The following TDRD3 variants were observed in gnomAD, a reference collection of about 807,000 sequenced individuals.
The protein encoded by TDRD3 is tudor domain containing 3, also known as tudor domain-containing protein 3.
A neutral mutation model predicts 86.7 loss-of-function variants in TDRD3; 45 were observed. The observed-to-expected ratio is 0.52, with a 90% CI of 0.41 to 0.67. The LOEUF (loss-of-function observed/expected upper bound fraction) is 0.67, where lower values mean the gene tolerates loss of function less well. TDRD3 is among the 30% of genes least tolerant of loss of function. The pLI is 0.00. For missense variants in TDRD3, 814 were observed against 889.0 expected, an observed-to-expected ratio of 0.92 and a Z score of 1.07; for synonymous variants, 298 against 301.7, an observed-to-expected ratio of 0.99 and a Z score of 0.13.
chr13:60,417,351 A>ATTT (rs113668776), intron 1 of TDRD3, among the ~76,000 whole-genome samples: 2 of 122,972 alleles, frequency 1.6e-5, no homozygotes, highest in African/African-American at 3.1e-5. Context: ...AACTAATTTC[A>ATTT]TTTTTTTTTT....
chr13:60,477,043 CT>C (rs1185728696), intron 5 of TDRD3, among the ~76,000 whole-genome samples: 1 of 151,464 alleles, frequency 6.6e-6, no homozygotes, highest in African/African-American at 2.4e-5. Flanking sequence ...TCATATATTT[CT>C]TTCTCTTGCA....
At position 60,498,937 on chromosome 13, in the gene TDRD3, C is replaced by T. The variant is rs112700155; in HGVS notation, c.858+4362C>T. ...AGCTCAGGTCCAAATTACAGTGGGT[C>T]CAGTGGGTACGCGGACTCATCCTGT... On this transcript the variant is annotated intron_variant, in intron 8 of 13. Coordinates refer to ENST00000377881, the MANE Select transcript of TDRD3 (RefSeq NM_001146070.2). Among the ~76,000 whole-genome samples the T allele has an allele frequency of 3.4e-3, 515 of 152,144 alleles. 4 individuals are homozygous for T. The highest frequency in any genetic ancestry group is 0.012 in the African/African-American group (491 of 41,500).
At chr13:60,406,901 C>T (rs1847896374) in intron 1 of TDRD3, among the ~76,000 whole-genome samples, 1 of 152,082 alleles carries the variant, frequency 6.6e-6, no homozygotes, top group African/African-American at 2.4e-5. Context: ...TTTCAGAAGG[C>T]AGTCTGTCAT....
At chr13:60,557,819 G>GTTTTTTTTTTT (rs1491187240) in intron 12 of TDRD3, among the ~76,000 whole-genome samples, 3 of 89,926 alleles carry the variant, frequency 3.3e-5, no homozygotes, top group Non-Finnish European at 7.7e-5. Context: ...TTTTTTTCCT[G>GTTTTTTTTTTT]ATTTTTTTTT....
chr13:60,535,057 C>T (rs1479234451), intron 11 of TDRD3, 51 bp from the exon 12 acceptor site: 2 of 1,599,174 alleles, frequency 1.3e-6, no homozygotes, highest in South Asian at 1.1e-5. Context: ...AAATATTGCC[C>T]TTTATAGACA....
chr13:60,459,112 C>T (rs1026380881), intron 3 of TDRD3, among the ~76,000 whole-genome samples: 3 of 152,044 alleles, frequency 2.0e-5, no homozygotes, highest in African/African-American at 7.2e-5. Flanking sequence ...AAAATTACTC[C>T]TTTTTTAGGC....
At chr13:60,400,313 CT>C (rs1954059587) in intron 1 of TDRD3, among the ~76,000 whole-genome samples, 1 of 152,182 alleles carries the variant, frequency 6.6e-6, no homozygotes, top group South Asian at 2.1e-4. Flanking sequence ...ATATAAAATT[CT>C]ACTCACAGGA....
At chr13:60,453,687 C>A (rs574601221) in intron 3 of TDRD3, among the ~76,000 whole-genome samples, 2 of 152,292 alleles carry the variant, frequency 1.3e-5, no homozygotes, top group African/African-American at 4.8e-5. Flanking sequence ...GATCACAAGA[C>A]CCTGCAGGAT....
intron 12 of TDRD3, among the ~76,000 whole-genome samples, chr13:60,538,441 A>G (rs1299138463): frequency 1.3e-5 from 2 of 148,682 alleles, no homozygotes; most frequent in Non-Finnish European, 3.0e-5. Flanking sequence ...TCTTTATTGC[A>G]GTGAACTTTC....
intron 8 of TDRD3, among the ~76,000 whole-genome samples, chr13:60,495,300 G>A (rs1235370306): frequency 6.6e-6 from 1 of 152,184 alleles, no homozygotes; most frequent in African/African-American, 2.4e-5. Context: ...TTAGTGTTAT[G>A]TAACTGCTCA....
At chr13:60,440,047 A>G (rs894729168) in intron 2 of TDRD3, among the ~76,000 whole-genome samples, 15 of 152,302 alleles carry the variant, frequency 9.8e-5, no homozygotes, top group African/African-American at 3.1e-4. Flanking sequence ...TTTAACATTT[A>G]CAATAGCTAC....
intron 5 of TDRD3, among the ~76,000 whole-genome samples, chr13:60,469,433 CAT>C (rs1044753632): frequency 8.1e-5 from 11 of 136,340 alleles, no homozygotes; most frequent in Middle Eastern, 3.8e-3. Context: ...CACACACACA[CAT>C]ACACACACAC....
chr13:60,436,767 A>C (rs1955120968), intron 1 of TDRD3, among the ~76,000 whole-genome samples: 1 of 152,162 alleles, frequency 6.6e-6, no homozygotes. Context: ...CAAGTTTCCA[A>C]ACCCTTACAA....
intron 12 of TDRD3, among the ~76,000 whole-genome samples, chr13:60,538,383 A>ATTT (rs34945980): frequency 6.1e-4 from 85 of 138,686 alleles, no homozygotes; most frequent in East Asian, 2.4e-3. Context: ...TTTCACCTGT[A>ATTT]TTTTTTTTTT....
At chr13:60,510,347 A>T (rs1375766345) in intron 9 of TDRD3, among the ~76,000 whole-genome samples, 1 of 152,150 alleles carries the variant, frequency 6.6e-6, no homozygotes, top group Non-Finnish European at 1.5e-5. Context: ...ATATTCTTTT[A>T]AAAATATCTG....
intron 6 of TDRD3, chr13:60,484,759 T>A: frequency 2.2e-6 from 1 of 447,922 alleles, no homozygotes; most frequent in Non-Finnish European, 4.5e-6. Flanking sequence ...ATGTTGATGG[T>A]TGGTATTCTC....
chr13:60,401,665 T>C (rs1218896191), intron 1 of TDRD3, among the ~76,000 whole-genome samples: 1 of 152,160 alleles, frequency 6.6e-6, no homozygotes, highest in Non-Finnish European at 1.5e-5. Flanking sequence ...AGCCATGGAG[T>C]ACTCCAGGTT....
intron 3 of TDRD3, among the ~76,000 whole-genome samples, chr13:60,455,904 T>TA (rs901383270): frequency 1.3e-5 from 2 of 151,692 alleles, no homozygotes; most frequent in Non-Finnish European, 2.9e-5. Flanking sequence ...CCATCTCTAC[T>TA]AAAAAAGATA....
intron 3 of TDRD3, 139 bp downstream of exon 3, chr13:60,444,887 A>G (rs1303197366): frequency 4.8e-6 from 2 of 418,772 alleles, no homozygotes; most frequent in African/African-American, 2.1e-5. Flanking sequence ...AGTCATTGTT[A>G]TGGTGACTTC....
Sources: allele counts gnomAD v4.1 joint callset (sites outside exome capture counted in the v4.1 genomes callset), GRCh38; gene constraint gnomAD v4.1.1; transcripts MANE v1.5; gene names NCBI Gene and HGNC (gene_info 2026-07-23, HGNC 2026-07-21).